Variants in CUX2 observed in about 807,000 individuals in gnomAD.
CUX2 encodes the protein homeobox protein cut-like 2.
In CUX2, 40 loss-of-function variants were observed where a neutral mutation model predicts 144.8. The observed-to-expected ratio is 0.28, with a 90% CI of 0.21 to 0.36. The LOEUF (loss-of-function observed/expected upper bound fraction) is 0.36, where lower values mean the gene tolerates loss of function less well. Among genes scored for constraint, CUX2 ranks in the 10% least tolerant of loss-of-function variants. The pLI is 1.00. For missense variants in CUX2, 1,615 were observed against 1,994.0 expected (o/e 0.81, Z 3.62); for synonymous variants, 827 against 875.6 (o/e 0.94, Z 0.98).
Position 111,310,386 on chromosome 12 carries a change from CCG to C in CUX2, c.1607_1608del (p.Ala536GlyfsTer83). ...CCTGAGCCACTGGGCGGTCCTGAGC[CCG>C]CGGATGGTGGTGGGGGCGGAGCGGC... On this transcript the variant is annotated frameshift_variant, in exon 15 of 22. Coordinates refer to ENST00000261726, the MANE Select transcript of CUX2 (RefSeq NM_015267.4). LOFTEE classifies it high-confidence loss of function. This position sits in a 1 kb window ranked among gnomAD's most constrained non-coding sequence, Gnocchi z 7.9. 6.2e-7 allele frequency: 1 copy of C among 1,604,264 alleles called. No individual in the cohort carries two copies. Among genetic ancestry groups the C allele is most frequent in the Non-Finnish European group, 8.5e-7 (1 of 1,174,502 alleles).
chr12:111,049,944 G>A (rs1047905492), intron 1 of CUX2, among the ~76,000 whole-genome samples: 3 of 152,174 alleles, frequency 2.0e-5, no homozygotes, highest in African/African-American at 7.2e-5. Context: ...TCTGCATGGT[G>A]CTTGGAGCCT....
In CUX2 at chr12:111,312,737, C is replaced by A. The variant is rs144493617; in HGVS notation, c.2002+536C>A. Among the ~76,000 whole-genome samples the A allele has an allele frequency of 2.2e-4, 34 of 152,240 alleles. No homozygotes were observed. Among genetic ancestry groups the A allele is most frequent in the Non-Finnish European group, 5.9e-5 (4 of 67,996 alleles). ...AAAAATATCCCAAGACTCGACAAGG[C>A]CTACAGGCCCTACAGTCTTCAGGCC... On this transcript the variant is annotated intron_variant, in intron 16 of 21. Transcript: ENST00000261726. The surrounding 1 kb of genome is among the most constrained non-coding windows in gnomAD (Gnocchi z 4.3).
At chr12:111,079,244 C>T (rs1371857128) in intron 1 of CUX2, among the ~76,000 whole-genome samples, 5 of 152,198 alleles carry the variant, frequency 3.3e-5, no homozygotes, top group Admixed American at 2.0e-4. Context: ...GTGGTTGCCC[C>T]TGGAAAGGGA....
chr12:111,040,376 C>T (rs796849088), intron 1 of CUX2, among the ~76,000 whole-genome samples: 1 of 152,002 alleles, frequency 6.6e-6, no homozygotes, highest in South Asian at 2.1e-4. Flanking sequence ...GGATCTGCCC[C>T]ATTCTCTCAA....
rs747887990 is a variant in CUX2 at position 111,312,120 on chromosome 12, C to T, written c.1921C>T (p.Arg641Cys). The T allele has an allele frequency of 9.9e-6, 16 of 1,611,182 alleles. No homozygotes were observed. The highest frequency in any genetic ancestry group is 2.5e-6 in the Non-Finnish European group (3 of 1,177,792). Residue 641 changes from arginine to cysteine, a missense_variant, in exon 16 of 22, where the codon CGC (arginine) becomes TGC (cysteine). Arg to Cys is a radical substitution (Grantham distance 180). This residue lies in a region of CUX2 where 71 missense variants were observed against 142.3 expected (regional missense o/e 0.50). Coordinates refer to ENST00000261726, the MANE Select transcript of CUX2 (RefSeq NM_015267.4). The surrounding 1 kb of genome is among the most constrained non-coding windows in gnomAD (Gnocchi z 4.3). Reference protein sequence around the residue: ...RQRGSITPRIRTPETGSDDAI... With the variant: ...RQRGSITPRICTPETGSDDAI... Reference sequence around the variant, plus strand: ...CCCAGGCAGCATCACCCCGAGAATCCGCACGCCTGAGACAGGCTCAGACGA... The same window carrying T: ...CCCAGGCAGCATCACCCCGAGAATCTGCACGCCTGAGACAGGCTCAGACGA...
rs118062494 is a variant in CUX2 at position 111,083,904 on chromosome 12, G to A, written c.63+49664G>A. 2.8e-3 allele frequency among the ~76,000 whole-genome samples: 421 copies of A among 152,274 alleles called. 1 individual carries two copies. The highest frequency in any genetic ancestry group is 3.6e-3 in the Non-Finnish European group (243 of 68,018). On this transcript the variant is annotated intron_variant, in intron 1 of 21. Coordinates refer to ENST00000261726, the MANE Select transcript of CUX2 (RefSeq NM_015267.4). The stretch of plus-strand genomic sequence containing the variant: ...TGCTTGTTCAAGGTTACTTTGATGG[G>A]GGAAGAACAACAAGCCAGCCCTTGG...
rs1280412202 is a variant in CUX2, at chr12:111,220,031, TTACTC to T, written c.222+2095_222+2099del. ...TGGTAGTGGGCACCTGTAATTCCAA[TTACTC>T]AGGAGTCTGAGGCAGGAGAATCACT... On this transcript the variant is annotated intron_variant, in intron 3 of 21. Coordinates refer to ENST00000261726, the MANE Select transcript of CUX2 (RefSeq NM_015267.4). Among the ~76,000 whole-genome samples, 126 of 151,894 alleles carry T rather than the reference TTACTC, an allele frequency of 8.3e-4. 1 individual carries two copies. Among genetic ancestry groups the T allele is most frequent in the Middle Eastern group, 3.4e-3 (1 of 294 alleles).
At position 111,274,951 on chromosome 12, in the gene CUX2, CAA is replaced by C. The variant is rs5800926; in HGVS notation, c.301+11123_301+11124del. ...AGATTCCCCAACCCCCTCCATGATTCAAAAAAAAAAAACAAAAAAACAAAAAA... is the reference window on the plus strand; with the variant it reads ...AGATTCCCCAACCCCCTCCATGATTCAAAAAAAAAACAAAAAAACAAAAAA... On this transcript the variant is annotated intron_variant, in intron 4 of 21. Transcript: ENST00000261726. Among the ~76,000 whole-genome samples, 487 of 133,296 alleles carry C rather than the reference CAA, an allele frequency of 3.7e-3. No homozygotes were observed. The Middle Eastern group carries it at 0.043, about 12-fold the overall frequency. 87.4% of individuals were successfully genotyped at this position (133,296 alleles called of 152,430 possible). A position where few individuals can be genotyped will look rare whatever the true frequency, so the allele number is the denominator to read the frequency against.
At chr12:111,093,451 AT>A (rs1872647960) in intron 1 of CUX2, among the ~76,000 whole-genome samples, 1 of 151,998 alleles carries the variant, frequency 6.6e-6, no homozygotes, top group Non-Finnish European at 1.5e-5. Flanking sequence ...TGCAACAAAT[AT>A]TTTATAATAG....
At chr12:111,283,643 T>C (rs1189284981) in intron 4 of CUX2, among the ~76,000 whole-genome samples, 1 of 152,132 alleles carries the variant, frequency 6.6e-6, no homozygotes, top group Non-Finnish European at 1.5e-5. Context: ...CTGGTGATGT[T>C]ACAGCCAGGG....
chr12:111,329,048 A>G (rs1460817556), intron 18 of CUX2, among the ~76,000 whole-genome samples: 1 of 84,120 alleles, frequency 1.2e-5, no homozygotes, highest in African/African-American at 4.7e-5. Flanking sequence ...CTCTCTCACC[A>G]TCTCTCTCCC....
intron 1 of CUX2, among the ~76,000 whole-genome samples, chr12:111,137,272 A>G (rs971621382): frequency 6.6e-6 from 1 of 152,184 alleles, no homozygotes; most frequent in African/African-American, 2.4e-5. Context: ...AGTCCACTGT[A>G]AAGTCCACTG....
chr12:111,155,189 C>G (rs1285336656), intron 1 of CUX2, among the ~76,000 whole-genome samples: 1 of 152,222 alleles, frequency 6.6e-6, no homozygotes, highest in African/African-American at 2.4e-5. Context: ...CTGTTCCTTA[C>G]TGGCTGTGTG....
intron 1 of CUX2, among the ~76,000 whole-genome samples, chr12:111,073,411 C>T (rs1871343553): frequency 6.6e-6 from 1 of 152,080 alleles, no homozygotes; most frequent in African/African-American, 2.4e-5. Flanking sequence ...TGTTAAGGTA[C>T]ATTTGAGTGG....
At chr12:111,046,941 G>A (rs949933317) in intron 1 of CUX2, among the ~76,000 whole-genome samples, 4 of 152,232 alleles carry the variant, frequency 2.6e-5, no homozygotes, top group South Asian at 2.1e-4. Context: ...GCAGGCGTGA[G>A]CCACCACGCC....
At chr12:111,248,637 G>C (rs1217621352) in intron 3 of CUX2, among the ~76,000 whole-genome samples, 1 of 152,138 alleles carries the variant, frequency 6.6e-6, no homozygotes, top group Non-Finnish European at 1.5e-5. Context: ...CCAGGATAAA[G>C]GGGGTGTCGG....
At chr12:111,153,254 C>G (rs1332860443) in intron 1 of CUX2, among the ~76,000 whole-genome samples, 1 of 152,170 alleles carries the variant, frequency 6.6e-6, no homozygotes, top group African/African-American at 2.4e-5. Flanking sequence ...TTTATTCATT[C>G]AATAAGCGTA....
chr12:111,156,649 C>T (rs765532404), intron 1 of CUX2, among the ~76,000 whole-genome samples: 1 of 152,108 alleles, frequency 6.6e-6, no homozygotes, highest in Non-Finnish European at 1.5e-5. Flanking sequence ...CTGGTGAGCC[C>T]AAAGCACAAC....
chr12:111,123,269 G>A (rs527512831), intron 1 of CUX2, among the ~76,000 whole-genome samples: 8 of 152,086 alleles, frequency 5.3e-5, no homozygotes, highest in East Asian at 3.9e-4. Flanking sequence ...TGCAACCTCC[G>A]CCTCCCAGGC....
Sources: gnomAD v4.1 joint callset for allele counts (sites outside exome capture counted in the v4.1 genomes callset) on GRCh38, gnomAD v4.1.1 for gene constraint, gnomAD v4.1.1 regional missense constraint, Gnocchi (gnomAD v3.1) non-coding constraint, MANE v1.5 for transcripts, NCBI Gene and HGNC (gene_info 2026-07-23, HGNC 2026-07-21) for gene names.